EPB41L5: variants seen among roughly 807,000 people sequenced by gnomAD.
EPB41L5 encodes erythrocyte membrane protein band 4.1 like 5, also known as band 4.1-like protein 5.
EPB41L5 carries 55 observed loss-of-function variants against 106.6 expected under a neutral mutation model. The ratio of observed to expected loss-of-function variants is 0.52; its 90% CI spans 0.42 to 0.65. EPB41L5 has a LOEUF of 0.65. Ranked by LOEUF, EPB41L5 falls within the 30% of genes least tolerant of loss-of-function variation. The pLI is 0.00. For missense variants in EPB41L5, 871 were observed against 882.1 expected (o/e 0.99, Z 0.16); for synonymous variants, 297 against 306.7 (o/e 0.97, Z 0.33).
chr2:120,160,909 C>G lies in EPB41L5; in HGVS notation c.1822C>G (p.Leu608Val). ...SAVLNENNVP[L>V]PKESLETLML... ...TGTGTTAAATGAGAATAATGTGCCC[C>G]TCCCCAAAGAGTCTCTTGAGACTCT... Residue 608 changes from leucine (L) to valine (V), a missense_variant, in exon 21 of 25, where the codon CTC becomes GTC. Leu to Val is a conservative substitution (Grantham distance 32). Transcript: ENST00000263713. 6.2e-7 allele frequency: 1 copy of G among 1,613,692 alleles called. No homozygotes were observed. The highest frequency in any genetic ancestry group is 1.3e-5 in the African/African-American group (1 of 75,026).
At chr2:120,080,930 C>G (rs1261879481) in intron 10 of EPB41L5, among the ~76,000 whole-genome samples, 3 of 152,072 alleles carry the variant, frequency 2.0e-5, no homozygotes, top group African/African-American at 7.2e-5. Flanking sequence ...TGTTCATATC[C>G]TTTGCCCACT....
chr2:120,051,625 C>G lies in EPB41L5; in HGVS notation c.285+9515C>G, dbSNP rs559706146. On this transcript the variant is annotated intron_variant, in intron 3 of 24. Coordinates refer to ENST00000263713, the MANE Select transcript of EPB41L5 (RefSeq NM_020909.4). ...TTCCCTTGGCTAGGAAAGGGAATTC[C>G]CTGACTCCTTGCGCTTCCCGGGTGA... 3.3e-5 allele frequency among the ~76,000 whole-genome samples: 5 copies of G among 152,324 alleles called. No individual in the cohort carries two copies. In the East Asian group the frequency reaches 9.6e-4, roughly 29 times the overall value.
At chr2:120,137,788 A>G (rs1201125638) in intron 18 of EPB41L5, among the ~76,000 whole-genome samples, 3 of 152,088 alleles carry the variant, frequency 2.0e-5, no homozygotes, top group Non-Finnish European at 4.4e-5. Flanking sequence ...AGAAGAACTA[A>G]TACCTATCCT....
chr2:120,090,706 C>T (rs772168155), intron 12 of EPB41L5, among the ~76,000 whole-genome samples, 190 bp downstream of exon 12: 2 of 152,058 alleles, frequency 1.3e-5, no homozygotes, highest in Non-Finnish European at 2.9e-5. Context: ...TGAATAGATG[C>T]GTAAACAGTA....
chr2:120,065,979 T>C (rs1419069063), intron 3 of EPB41L5, among the ~76,000 whole-genome samples: 1 of 152,148 alleles, frequency 6.6e-6, no homozygotes, highest in East Asian at 1.9e-4. Context: ...ACTCACACAC[T>C]TGAAAAATTT....
intron 16 of EPB41L5, chr2:120,105,328 A>G (rs1007799246): frequency 3.3e-5 from 32 of 960,198 alleles, no homozygotes; most frequent in Non-Finnish European, 4.0e-5. Flanking sequence ...AGAAATTTAT[A>G]GATATTTTAT....
chr2:120,100,149 A>C (rs1684042376), intron 14 of EPB41L5, 95 bp from the exon 15 acceptor site: 2 of 889,954 alleles, frequency 2.2e-6, no homozygotes, highest in Non-Finnish European at 3.4e-6. Flanking sequence ...TAATATCTTT[A>C]AAATAAATAT....
intron 19 of EPB41L5, among the ~76,000 whole-genome samples, chr2:120,145,940 A>G (rs1026107446): frequency 3.0e-5 from 1 of 33,226 alleles, no homozygotes; most frequent in Non-Finnish European, 5.3e-5. Context: ...AGTGAGACTC[A>G]ATCTCAAAAA....
intron 2 of EPB41L5, among the ~76,000 whole-genome samples, chr2:120,031,739 G>T (rs919920198): frequency 1.3e-5 from 2 of 152,062 alleles, no homozygotes; most frequent in South Asian, 4.1e-4. Context: ...ACACTAATTA[G>T]AATTATGGGT....
At chr2:120,071,441 A>G (rs1364806553) in intron 3 of EPB41L5, among the ~76,000 whole-genome samples, 1 of 152,178 alleles carries the variant, frequency 6.6e-6, no homozygotes, top group East Asian at 1.9e-4. Context: ...ATCCCCATCA[A>G]GCTACCTGAA....
At chr2:120,159,804 A>G (rs1687066767) in intron 20 of EPB41L5, among the ~76,000 whole-genome samples, 1 of 152,222 alleles carries the variant, frequency 6.6e-6, no homozygotes. Context: ...CAATGGAGAA[A>G]GGCTTCCCTA....
chr2:120,125,815 G>A (rs1052305703), intron 16 of EPB41L5, among the ~76,000 whole-genome samples: 7 of 152,136 alleles, frequency 4.6e-5, no homozygotes, highest in African/African-American at 1.7e-4. Flanking sequence ...CTGTTACAAG[G>A]TACCACAAAC....
chr2:120,092,505 T>G (rs1343921892), intron 13 of EPB41L5, among the ~76,000 whole-genome samples: 1 of 152,234 alleles, frequency 6.6e-6, no homozygotes, highest in East Asian at 1.9e-4. Context: ...CTATTTACCT[T>G]GACAAATAAA....
chr2:120,138,281 C>G (rs1310478208), intron 18 of EPB41L5, among the ~76,000 whole-genome samples: 3 of 151,856 alleles, frequency 2.0e-5, no homozygotes, highest in Admixed American at 2.0e-4. Context: ...CCTTTAAGAT[C>G]TGGAAAAAGG....
chr2:120,043,163 G>GT (rs900799808), intron 3 of EPB41L5, among the ~76,000 whole-genome samples: 1 of 151,972 alleles, frequency 6.6e-6, no homozygotes, highest in Non-Finnish European at 1.5e-5. Flanking sequence ...TCCAAATTAA[G>GT]TAACCATGAG....
At chr2:120,027,977 C>T (rs567670264) in intron 2 of EPB41L5, among the ~76,000 whole-genome samples, 1 of 152,102 alleles carries the variant, frequency 6.6e-6, no homozygotes, top group East Asian at 1.9e-4. Flanking sequence ...ATTCTACTGC[C>T]TCAGTCTTCC....
chr2:120,170,292 TATA>T (rs1360841405), intron 24 of EPB41L5, among the ~76,000 whole-genome samples: 3 of 152,234 alleles, frequency 2.0e-5, no homozygotes, highest in Non-Finnish European at 4.4e-5. Context: ...AATACACACT[TATA>T]ATCTCATTTT....
At chr2:120,069,124 G>T (rs1681670280) in intron 3 of EPB41L5, among the ~76,000 whole-genome samples, 1 of 88,028 alleles carries the variant, frequency 1.1e-5, no homozygotes, top group African/African-American at 5.6e-5. Flanking sequence ...GTGAAACTCT[G>T]TCTCAAAAAA....
At chr2:120,164,772 GA>G in intron 21 of EPB41L5, 63 bp from the exon 22 acceptor site, 1 of 1,181,886 alleles carries the variant, frequency 8.5e-7, no homozygotes, top group Non-Finnish European at 1.2e-6. Flanking sequence ...AGAGGATATG[GA>G]AAAAACTTAA....
Sources: gnomAD v4.1 joint callset for allele counts (sites outside exome capture counted in the v4.1 genomes callset) on GRCh38, gnomAD v4.1.1 for gene constraint, MANE v1.5 for transcripts, NCBI Gene and HGNC (gene_info 2026-07-23, HGNC 2026-07-21) for gene names.